Variants in BTG1 observed in about 807,000 individuals in gnomAD.
BTG1 encodes the protein BTG anti-proliferation factor 1.
In BTG1, 2 loss-of-function variants were observed where a neutral mutation model predicts 15.2. That is an observed-to-expected ratio of 0.13 (90% CI 0.05 to 0.41). The LOEUF (loss-of-function observed/expected upper bound fraction) is 0.41. BTG1 is among the 10% of genes least tolerant of loss of function. BTG1 has a pLI of 0.99. For missense variants in BTG1, 149 were observed against 215.0 expected (o/e 0.69, Z 1.92); for synonymous variants, 109 against 82.4 (o/e 1.32, Z -1.75).
chr12:92,145,449 C>CA lies in BTG1; in HGVS notation c.86_87insT (p.Lys29AsnfsTer25). ...GCAGCTGTCGCTCGCTCGTGAGCCC[C>CA]TTGGTGCGGAGAAACTTGGAGATGA... On this transcript the variant is annotated frameshift_variant, in exon 1 of 2. Coordinates refer to ENST00000256015, the MANE Select transcript of BTG1 (RefSeq NM_001731.3). LOFTEE classifies it high-confidence loss of function. 1 of 1,592,790 alleles carries CA rather than the reference C, an allele frequency of 6.3e-7. No individual in the cohort carries two copies.
rs971617886 is a variant in BTG1, at chr12:92,143,975, C to CT, written c.*104dup. The stretch of plus-strand genomic sequence containing the variant: ...TCTATCTTGTGCCAGATCTTCACAG[C>CT]TGTGACATGGTTTAAATTCCATAAT... On this transcript the variant is annotated 3_prime_UTR_variant, in exon 2 of 2. Transcript: ENST00000256015. 2.8e-6 allele frequency: 4 copies of CT among 1,417,628 alleles called. No individual in the cohort carries two copies. The highest frequency in any genetic ancestry group is 3.8e-6 in the Non-Finnish European group (4 of 1,039,470). 87.8% of individuals were successfully genotyped at this position (1,417,628 alleles called of 1,614,324 possible). A position where few individuals can be genotyped will look rare whatever the true frequency, so the allele number is the denominator to read the frequency against.
chr12:92,143,733 T>C lies in BTG1; in HGVS notation c.*347A>G. ...ATAGTGCAAATTCCCCTGCGAGATT[T>C]ACTGCAGAGAAAGATTCTTTGAAAT... On this transcript the variant is annotated 3_prime_UTR_variant, in exon 2 of 2. Transcript: ENST00000256015. The C allele has an allele frequency of 3.5e-6, 1 of 287,900 alleles. No homozygotes were observed. Among genetic ancestry groups the C allele is most frequent in the East Asian group, 5.8e-5 (1 of 17,204 alleles). 17.8% of individuals were successfully genotyped at this position (287,900 alleles called of 1,614,324 possible). A position where few individuals can be genotyped will look rare whatever the true frequency, so the allele number is the denominator to read the frequency against.
Position 92,143,893 on chromosome 12 carries a change from G to T in BTG1, c.*187C>A. 1.7e-6 allele frequency: 1 copy of T among 604,250 alleles called. No homozygotes were observed. Among genetic ancestry groups the T allele is most frequent in the Non-Finnish European group, 2.7e-6 (1 of 363,790 alleles). The allele number at this position is 604,250 out of a possible 1,614,324, so 37.4% of individuals were successfully genotyped here. A position where few individuals can be genotyped will look rare whatever the true frequency, so the allele number is the denominator to read the frequency against. ...TCACAGGCTATTAAAATTAATCATT[G>T]AAAGGTACTGTCCAAACTATGGCAC... is the stretch of plus-strand genomic sequence containing the variant. On this transcript the variant is annotated 3_prime_UTR_variant, in exon 2 of 2. Coordinates refer to ENST00000256015, the MANE Select transcript of BTG1 (RefSeq NM_001731.3).
At chr12:92,144,487 T>A (rs760298677) in intron 1 of BTG1, 40 bp from the exon 2 acceptor site, 1 of 1,598,590 alleles carries the variant, frequency 6.3e-7, no homozygotes, top group East Asian at 2.2e-5. Flanking sequence ...ACGCTTAGGA[T>A]CGTTAGCTCC....
chr12:92,145,432 C>T lies in BTG1; in HGVS notation c.104G>A (p.Arg35Gln). Residue 35 changes from arginine to glutamine, a missense_variant, in exon 1 of 2, where the codon CGA becomes CAA. Around this residue, in one of 3 missense-constraint regions of BTG1, gnomAD observed 63 missense variants for 60.8 expected, o/e 1.04. Transcript: ENST00000256015. ...GCTCTGGCTGAAGGTCTGCAGCTGT[C>T]GCTCGCTCGTGAGCCCCTTGGTGCG... ...FLRTKGLTSE[R>Q]QLQTFSQSLQ... The T allele has an allele frequency of 6.3e-7, 1 of 1,591,458 alleles. No individual in the cohort carries two copies. The highest frequency in any genetic ancestry group is 8.5e-7 in the Non-Finnish European group (1 of 1,170,402).
intron 1 of BTG1, 24 bp from the exon 2 acceptor site, chr12:92,144,471 G>A (rs771522617): frequency 2.2e-5 from 36 of 1,608,982 alleles, no homozygotes; most frequent in Middle Eastern, 1.7e-4. Flanking sequence ...GAAGAACAGA[G>A]AAACAACGCT....
At chr12:92,145,141 T>G in intron 1 of BTG1, 3 of 406,152 alleles carry the variant, frequency 7.4e-6, no homozygotes, top group Non-Finnish European at 1.2e-5. Context: ...TTAAGTTTCT[T>G]TGTTGTGCGT....
chr12:92,144,543 GA>G, intron 1 of BTG1, 96 bp from the exon 2 acceptor site: 15 of 1,499,386 alleles, frequency 1.0e-5, no homozygotes, highest in Non-Finnish European at 1.4e-5. Context: ...GAGCGAAAAT[GA>G]AAACTATCAA....
At position 92,142,443 on chromosome 12, in the gene BTG1, T is replaced by G. The variant is rs1361667484; in HGVS notation, c.*1637A>C. On this transcript the variant is annotated 3_prime_UTR_variant, in exon 2 of 2. Transcript: ENST00000256015. Reference sequence around the variant, plus strand: ...GAAAAACGCTGTTATCCTCTACAACTAAACAGCAAGTCCTTCTATTATATG... The same window carrying G: ...GAAAAACGCTGTTATCCTCTACAACGAAACAGCAAGTCCTTCTATTATATG... 1 of 231,932 alleles carries G rather than the reference T, an allele frequency of 4.3e-6. No homozygotes were observed. The highest frequency in any genetic ancestry group is 2.2e-5 in the African/African-American group (1 of 45,268). The allele number at this position is 231,932 out of a possible 1,614,324, so 14.4% of individuals were successfully genotyped here.
chr12:92,144,077 A>G lies in BTG1; in HGVS notation c.*3T>C. 6.2e-7 allele frequency: 1 copy of G among 1,611,556 alleles called. No individual in the cohort carries two copies. Among genetic ancestry groups the G allele is most frequent in the Non-Finnish European group, 8.5e-7 (1 of 1,179,806 alleles). On this transcript the variant is annotated 3_prime_UTR_variant, in exon 2 of 2. Transcript: ENST00000256015. ...ATCAGATGATCCATCCACAGACTATATCTTAACCTGATACAGTCATCATAT... is the reference window on the plus strand; with the variant it reads ...ATCAGATGATCCATCCACAGACTATGTCTTAACCTGATACAGTCATCATAT...
chr12:92,145,624 G>C lies in BTG1; in HGVS notation c.-89C>G, dbSNP rs1488514312. On this transcript the variant is annotated 5_prime_UTR_variant, in exon 1 of 2. Coordinates refer to ENST00000256015, the MANE Select transcript of BTG1 (RefSeq NM_001731.3). ...GCAGCCACCCCGGGCTTCCTCACCG[G>C]GCGGAAGGCTGAGAGGAAGAGAGGG... 4 of 978,222 alleles carry C rather than the reference G, an allele frequency of 4.1e-6. No homozygotes were observed. The highest frequency in any genetic ancestry group is 4.0e-6 in the Non-Finnish European group (3 of 746,044). 60.6% of individuals were successfully genotyped at this position (978,222 alleles called of 1,614,324 possible).
chr12:92,144,357 A>C lies in BTG1; in HGVS notation c.239T>G (p.Ile80Ser), dbSNP rs776639882. The C allele has an allele frequency of 6.2e-7, 1 of 1,614,200 alleles. No individual in the cohort carries two copies. The highest frequency in any genetic ancestry group is 1.1e-5 in the South Asian group (1 of 91,084). The change falls in exon 2 of 2, where the codon ATT becomes AGT. Residue 80 changes from isoleucine (I) to serine (S), a missense_variant. Coordinates refer to ENST00000256015, the MANE Select transcript of BTG1 (RefSeq NM_001731.3). The part of the protein sequence containing the change: ...IRINHKMDPL[I>S]GQAAQRIGLS... ...TCCAATCCGCTGTGCTGCCTGTCCA[A>C]TCAGAGGATCCATTTTATGGTTGAT... is the stretch of plus-strand genomic sequence containing the variant.
Position 92,142,708 on chromosome 12 carries a change from G to A in BTG1, c.*1372C>T, listed in dbSNP as rs909313497. On this transcript the variant is annotated 3_prime_UTR_variant, in exon 2 of 2. Transcript: ENST00000256015. Reference sequence around the variant, plus strand: ...CTGTGGTGTTTAGCCTGTTCTTTAAGACTATGGGTCACCTGCCCCGGGGAA... The same window carrying A: ...CTGTGGTGTTTAGCCTGTTCTTTAAAACTATGGGTCACCTGCCCCGGGGAA... 18 of 233,074 alleles carry A rather than the reference G, an allele frequency of 7.7e-5. No individual in the cohort carries two copies. Among genetic ancestry groups the A allele is most frequent in the African/African-American group, 4.0e-4 (18 of 45,444 alleles). The allele number at this position is 233,074 out of a possible 1,614,324, so 14.4% of individuals were successfully genotyped here.
intron 1 of BTG1, 31 bp downstream of exon 1, chr12:92,145,357 C>A: frequency 6.6e-7 from 1 of 1,518,876 alleles, no homozygotes. Context: ...ATGTGGGGCC[C>A]GCGTCCCTCC....
intron 1 of BTG1, 166 bp downstream of exon 1, chr12:92,145,222 C>A: frequency 1.8e-6 from 2 of 1,116,804 alleles, no homozygotes; most frequent in Non-Finnish European, 1.2e-6. Context: ...TAAAGCCTCG[C>A]GGGGAACCGC....
In BTG1 at chr12:92,144,451, T is replaced by C. The variant is rs758047123; in HGVS notation, c.149-4A>G. ...AACCAGTGATGTTTATAATGTTCTA[T>C]AGAAGAAAAGAAGAACAGAGAAACA... is the stretch of plus-strand genomic sequence containing the variant. On this transcript the variant is annotated splice_region_variant and splice_polypyrimidine_tract_variant and intron_variant, in intron 1 of 1. Coordinates refer to ENST00000256015, the MANE Select transcript of BTG1 (RefSeq NM_001731.3). 63 of 1,611,732 alleles carry C rather than the reference T, an allele frequency of 3.9e-5. No individual in the cohort carries two copies. The highest frequency in any genetic ancestry group is 1.5e-4 in the African/African-American group (11 of 74,688).
At chr12:92,144,582 G>C in intron 1 of BTG1, 135 bp from the exon 2 acceptor site, 1 of 1,212,210 alleles carries the variant, frequency 8.2e-7, no homozygotes, top group Non-Finnish European at 1.1e-6. Flanking sequence ...GATTGCATCC[G>C]TTGTTGTGCA....
rs1458163111 is a variant in BTG1, at chr12:92,143,154, T to G, written c.*926A>C. On this transcript the variant is annotated 3_prime_UTR_variant, in exon 2 of 2. Transcript: ENST00000256015. ...AATGCCAAGATAAGAAACGATTTAT[T>G]ATAGAGAGAAGAAAAATTTCTCATC... The G allele has an allele frequency of 4.3e-6, 1 of 232,744 alleles. No individual in the cohort carries two copies. The highest frequency in any genetic ancestry group is 8.5e-6 in the Non-Finnish European group (1 of 117,666). The allele number at this position is 232,744 out of a possible 1,614,324, so 14.4% of individuals were successfully genotyped here. A position where few individuals can be genotyped will look rare whatever the true frequency, so the allele number is the denominator to read the frequency against.
chr12:92,144,907 C>G (rs977724661), intron 1 of BTG1, among the ~76,000 whole-genome samples: 6 of 152,206 alleles, frequency 3.9e-5, no homozygotes, highest in East Asian at 1.9e-4. Flanking sequence ...GGTGACAAAT[C>G]CGATGATTAA....
Sources: allele counts gnomAD v4.1 joint callset (sites outside exome capture counted in the v4.1 genomes callset), GRCh38; gene constraint gnomAD v4.1.1; regional missense constraint gnomAD v4.1.1; transcripts MANE v1.5; gene names NCBI Gene and HGNC (gene_info 2026-07-23, HGNC 2026-07-21).